Variants in LRRTM4 observed in about 807,000 individuals in gnomAD.
The protein encoded by LRRTM4 is leucine-rich repeat transmembrane neuronal protein 4.
Under a neutral mutation model 47.6 loss-of-function variants are expected in LRRTM4, and 25 were observed. The ratio of observed to expected loss-of-function variants is 0.53; its 90% CI spans 0.38 to 0.73. LRRTM4 has a LOEUF of 0.73. Among genes scored for constraint, LRRTM4 ranks in the 30% least tolerant of loss-of-function variants. LRRTM4 has a pLI of 0.00. For missense variants in LRRTM4, 638 were observed against 713.4 expected (o/e 0.89, Z 1.20); for synonymous variants, 311 against 269.5 (o/e 1.15, Z -1.51).
At chr2:77,517,178 G>T in intron 3 of LRRTM4, 1 of 984,984 alleles carries the variant, frequency 1.0e-6, no homozygotes, top group Non-Finnish European at 1.2e-6. Context: ...TTTGAAATTT[G>T]TGACTATTTG....
chr2:76,820,585 A>T (rs1363984224), intron 3 of LRRTM4, among the ~76,000 whole-genome samples: 1 of 151,804 alleles, frequency 6.6e-6, no homozygotes, highest in Non-Finnish European at 1.5e-5. Context: ...ATATGTTGTT[A>T]ATCTTGAAGG....
chr2:76,868,888 A>G (rs1270282404), intron 3 of LRRTM4, among the ~76,000 whole-genome samples: 1 of 152,154 alleles, frequency 6.6e-6, no homozygotes, highest in African/African-American at 2.4e-5. Flanking sequence ...CTGTATTATT[A>G]TACCTTTCCT....
At chr2:77,061,397 A>G (rs1679779736) in intron 3 of LRRTM4, among the ~76,000 whole-genome samples, 1 of 152,166 alleles carries the variant, frequency 6.6e-6, no homozygotes. Context: ...GTGACCTTCA[A>G]AACAGAAATA....
At chr2:77,013,143 G>A (rs1677934870) in intron 3 of LRRTM4, among the ~76,000 whole-genome samples, 1 of 151,796 alleles carries the variant, frequency 6.6e-6, no homozygotes, top group African/African-American at 2.4e-5. Context: ...ATTACACAAA[G>A]ATCTTCAATC....
At chr2:77,215,290 G>A (rs1332385551) in intron 3 of LRRTM4, among the ~76,000 whole-genome samples, 1 of 152,064 alleles carries the variant, frequency 6.6e-6, no homozygotes, top group East Asian at 1.9e-4. Context: ...ATGAGGTCAG[G>A]GTAAAAGCAA....
intron 3 of LRRTM4, among the ~76,000 whole-genome samples, chr2:77,183,684 A>T (rs1383014117): frequency 6.6e-6 from 1 of 152,202 alleles, no homozygotes; most frequent in Non-Finnish European, 1.5e-5. Flanking sequence ...ACCAAGCCAA[A>T]TATCCAACAA....
intron 3 of LRRTM4, among the ~76,000 whole-genome samples, chr2:77,067,902 A>G (rs1573524513): frequency 6.6e-6 from 1 of 152,052 alleles, no homozygotes; most frequent in Admixed American, 6.6e-5. Context: ...ATGACCATCA[A>G]AAAAAGGGAA....
intron 3 of LRRTM4, among the ~76,000 whole-genome samples, chr2:77,332,049 C>T (rs1046610481): frequency 6.6e-6 from 1 of 152,046 alleles, no homozygotes; most frequent in Non-Finnish European, 1.5e-5. Context: ...AATAGAGATG[C>T]AAATATGTTT....
intron 3 of LRRTM4, among the ~76,000 whole-genome samples, chr2:76,856,931 C>CA (rs973166130): frequency 1.6e-4 from 24 of 147,758 alleles, no homozygotes; most frequent in African/African-American, 2.0e-4. Flanking sequence ...TCTTCTGTCG[C>CA]AAAAAAAAAT....
chr2:77,313,105 C>G (rs1160836441), intron 3 of LRRTM4, among the ~76,000 whole-genome samples: 3 of 152,080 alleles, frequency 2.0e-5, no homozygotes, highest in African/African-American at 7.3e-5. Flanking sequence ...CAAAAACAGC[C>G]TGCTGGGACC....
intron 3 of LRRTM4, among the ~76,000 whole-genome samples, chr2:76,950,427 A>G (rs1675457976): frequency 6.6e-6 from 1 of 151,976 alleles, no homozygotes; most frequent in Admixed American, 6.6e-5. Flanking sequence ...CCCTGCCTGT[A>G]CTTTCCAAAC....
chr2:77,007,303 C>T (rs1384753710), intron 3 of LRRTM4, among the ~76,000 whole-genome samples: 1 of 152,022 alleles, frequency 6.6e-6, no homozygotes, highest in Non-Finnish European at 1.5e-5. Flanking sequence ...ATCATCAAGG[C>T]TTCCTTTTAT....
rs188228640 is a variant in LRRTM4 at position 77,156,896 on chromosome 2, T to A, written c.1551+361422A>T. Among the ~76,000 whole-genome samples, 870 of 152,054 alleles carry A rather than the reference T, an allele frequency of 5.7e-3. 20 individuals carry two copies. Among genetic ancestry groups the A allele is most frequent in the Admixed American group, 0.037 (560 of 15,234 alleles). ...TCAACTTCTTACTAAAGCTTTTATT[T>A]TTTTTTTTCTCAAGGTGTTTAGTGG... On this transcript the variant is annotated intron_variant, in intron 3 of 3. Coordinates refer to ENST00000409884, the MANE Select transcript of LRRTM4 (RefSeq NM_001134745.3).
At chr2:77,037,727 T>C (rs1313118301) in intron 3 of LRRTM4, among the ~76,000 whole-genome samples, 1 of 151,706 alleles carries the variant, frequency 6.6e-6, no homozygotes, top group Non-Finnish European at 1.5e-5. Context: ...ATTTTATTTG[T>C]TTGGTTGTTT....
intron 3 of LRRTM4, among the ~76,000 whole-genome samples, chr2:76,862,904 G>C (rs939600306): frequency 2.0e-5 from 3 of 152,016 alleles, no homozygotes; most frequent in African/African-American, 7.2e-5. Context: ...CTTGGTTAAG[G>C]GTAGCAACAT....
intron 3 of LRRTM4, among the ~76,000 whole-genome samples, chr2:77,204,130 C>T (rs916687298): frequency 1.3e-5 from 2 of 152,094 alleles, no homozygotes; most frequent in African/African-American, 4.8e-5. Flanking sequence ...CCAAAGATTG[C>T]ATCTCCCAAG....
chr2:77,006,449 A>G (rs1677652480), intron 3 of LRRTM4, among the ~76,000 whole-genome samples: 1 of 152,176 alleles, frequency 6.6e-6, no homozygotes, highest in African/African-American at 2.4e-5. Context: ...AAGCTTCCAG[A>G]AAATTTTATT....
intron 3 of LRRTM4, among the ~76,000 whole-genome samples, chr2:76,873,502 G>A (rs981972250): frequency 1.1e-3 from 74 of 65,464 alleles, no homozygotes; most frequent in African/African-American, 3.8e-3. Flanking sequence ...GTATATATAT[G>A]TGTGTATATA....
At chr2:76,958,791 A>T (rs1675760397) in intron 3 of LRRTM4, among the ~76,000 whole-genome samples, 1 of 151,758 alleles carries the variant, frequency 6.6e-6, no homozygotes, top group Non-Finnish European at 1.5e-5. Context: ...GTGTACAACA[A>T]AATTACTGTA....
Sources: allele counts gnomAD v4.1 joint callset (sites outside exome capture counted in the v4.1 genomes callset), GRCh38; gene constraint gnomAD v4.1.1; transcripts MANE v1.5; gene names NCBI Gene and HGNC (gene_info 2026-07-23, HGNC 2026-07-21).